RYR3: variants seen among roughly 807,000 people sequenced by gnomAD.
RYR3 encodes the protein brain ryanodine receptor-calcium release channel.
RYR3 carries 207 observed loss-of-function variants against 584.3 expected under a neutral mutation model. The ratio of observed to expected loss-of-function variants is 0.35; its 90% CI spans 0.32 to 0.40. RYR3 has a LOEUF of 0.40. RYR3 is among the 10% of genes least tolerant of loss of function. The pLI, the probability that RYR3 is intolerant of heterozygous loss-of-function variation, is 1.00. For missense variants in RYR3, 5,616 were observed against 6,089.2 expected (o/e 0.92, Z 2.59); for synonymous variants, 2,416 against 2,248.5 (o/e 1.07, Z -2.11).
At chr15:33,589,079 T>A (rs2058998657) in intron 16 of RYR3, among the ~76,000 whole-genome samples, 1 of 152,204 alleles carries the variant, frequency 6.6e-6, no homozygotes, top group Non-Finnish European at 1.5e-5. Context: ...CCTACCAACG[T>A]GTATAAGCAT....
intron 76 of RYR3, 131 bp from the exon 77 acceptor site, chr15:33,819,625 G>C: frequency 2.2e-6 from 1 of 457,068 alleles, no homozygotes; most frequent in Admixed American, 4.3e-5. Context: ...AGTGAGCCGA[G>C]ATCGCGTCAT....
intron 10 of RYR3, among the ~76,000 whole-genome samples, chr15:33,553,693 C>A (rs2056856757): frequency 6.6e-6 from 1 of 152,192 alleles, no homozygotes; most frequent in Admixed American, 6.5e-5. Flanking sequence ...TGTAGTATTA[C>A]TTCCAAAATA....
At chr15:33,641,576 CG>C (rs1170895567) in intron 27 of RYR3, among the ~76,000 whole-genome samples, 3 of 152,152 alleles carry the variant, frequency 2.0e-5, no homozygotes, top group Non-Finnish European at 4.4e-5. Context: ...ATCTAGTTAT[CG>C]AATCGTTTTC....
At chr15:33,857,747 C>G in intron 98 of RYR3, 33 bp from the exon 99 acceptor site, 5 of 1,613,160 alleles carry the variant, frequency 3.1e-6, no homozygotes, top group Non-Finnish European at 3.4e-6. Context: ...GAAGACCCCA[C>G]TCCTTTTCCT....
rs758717257 is a variant in RYR3 at position 33,838,547 on chromosome 15, G to C, written c.12567G>C (p.Trp4189Cys). ...TGAAGGTGCTCTTCTCCTTTTTCTG[G>C]ATGCTGTTCGTGGGGCTATTCCAGT... is the stretch of plus-strand genomic sequence containing the variant. ...ELVKVLFSFF[W>C]MLFVGLFQLL... Residue 4189 changes from tryptophan (W) to cysteine (C), a missense_variant, in exon 89 of 104, where the codon TGG (tryptophan) becomes TGC (cysteine). Physicochemically the swap from Trp to Cys is radical, Grantham distance 215. Around this residue, in one of 9 missense-constraint regions of RYR3, gnomAD observed 918 missense variants for 887.4 expected, o/e 1.03. Coordinates refer to ENST00000634891, the MANE Select transcript of RYR3 (RefSeq NM_001036.6). The C allele has an allele frequency of 6.2e-7, 1 of 1,613,920 alleles. No individual in the cohort carries two copies. Among genetic ancestry groups the C allele is most frequent in the South Asian group, 1.1e-5 (1 of 91,064 alleles).
intron 2 of RYR3, among the ~76,000 whole-genome samples, chr15:33,499,993 A>G (rs570158756): frequency 2.0e-5 from 3 of 152,346 alleles, no homozygotes; most frequent in East Asian, 1.9e-4. Context: ...AGTCATTGCA[A>G]TCTGTCTACA....
intron 87 of RYR3, among the ~76,000 whole-genome samples, chr15:33,836,346 T>C (rs1321845055): frequency 6.6e-6 from 1 of 152,060 alleles, no homozygotes; most frequent in Non-Finnish European, 1.5e-5. Context: ...TCTTCCTGCA[T>C]TGCTGAAATT....
intron 34 of RYR3, among the ~76,000 whole-genome samples, chr15:33,661,207 C>T (rs1275795451): frequency 2.6e-5 from 4 of 151,938 alleles, no homozygotes; most frequent in African/African-American, 4.8e-5. Context: ...CATGAGGAGT[C>T]GTGAGACTAA....
intron 32 of RYR3, 82 bp downstream of exon 32, chr15:33,652,965 A>C (rs1490258470): frequency 7.2e-7 from 1 of 1,398,106 alleles, no homozygotes; most frequent in Non-Finnish European, 9.6e-7. Flanking sequence ...CGTACTCAGC[A>C]TTCCTGCCAC....
chr15:33,633,808 C>A (rs902057329), intron 24 of RYR3, among the ~76,000 whole-genome samples: 6 of 152,242 alleles, frequency 3.9e-5, no homozygotes, highest in African/African-American at 1.2e-4. Context: ...GACATTACTA[C>A]AAATGTGTGT....
chr15:33,490,345 T>C (rs1048604961), intron 2 of RYR3, among the ~76,000 whole-genome samples: 3 of 152,200 alleles, frequency 2.0e-5, no homozygotes, highest in African/African-American at 7.2e-5. Flanking sequence ...CTTGACCTAA[T>C]GCTCTGTTTC....
intron 3 of RYR3, among the ~76,000 whole-genome samples, chr15:33,525,140 G>T (rs955171295): frequency 6.6e-6 from 1 of 152,022 alleles, no homozygotes; most frequent in Non-Finnish European, 1.5e-5. Context: ...GTTTCCTGTG[G>T]ATCTTACTGA....
chr15:33,484,002 C>A lies in RYR3; in HGVS notation c.171+10464C>A, dbSNP rs189518786. Among the ~76,000 whole-genome samples the A allele has an allele frequency of 2.4e-3, 358 of 152,146 alleles. 5 individuals are homozygous for A. The highest frequency in any genetic ancestry group is 2.1e-3 in the East Asian group (11 of 5,172). ...TTAAAAAGTAATATTCCTTTCAGTT[C>A]TAGATTGCTCCCTGGTGCCTTCAAA... On this transcript the variant is annotated intron_variant, in intron 2 of 103. Coordinates refer to ENST00000634891, the MANE Select transcript of RYR3 (RefSeq NM_001036.6).
At chr15:33,493,028 C>T (rs140179468) in intron 2 of RYR3, among the ~76,000 whole-genome samples, 32 of 152,238 alleles carry the variant, frequency 2.1e-4, no homozygotes, top group African/African-American at 6.7e-4. Context: ...GAAAGGAATA[C>T]ATGGGAGAGG....
intron 67 of RYR3, among the ~76,000 whole-genome samples, chr15:33,792,260 T>C (rs1273810497): frequency 6.6e-6 from 1 of 152,174 alleles, no homozygotes; most frequent in African/African-American, 2.4e-5. Context: ...GTCTCTGTTC[T>C]GATATCTGAG....
At chr15:33,646,182 G>A (rs532296078) in intron 28 of RYR3, 169 bp from the exon 29 acceptor site, 21 of 553,962 alleles carry the variant, frequency 3.8e-5, no homozygotes, top group Non-Finnish European at 5.0e-5. Context: ...TTCTTCCTAC[G>A]GGACAAGGCC....
intron 17 of RYR3, 86 bp downstream of exon 17, chr15:33,601,638 CA>C (rs1421485778): frequency 7.0e-7 from 1 of 1,436,438 alleles, no homozygotes; most frequent in Non-Finnish European, 9.7e-7. Flanking sequence ...ATCTGAACTC[CA>C]AAGTTGCCCA....
intron 1 of RYR3, among the ~76,000 whole-genome samples, chr15:33,427,796 G>T (rs2044768956): frequency 6.6e-6 from 1 of 152,208 alleles, no homozygotes; most frequent in South Asian, 2.1e-4. Flanking sequence ...GAGTCTATTA[G>T]TCAGACACTA....
In RYR3 at chr15:33,826,749, A is replaced by G; in HGVS notation, c.11242A>G (p.Ser3748Gly). 6.2e-7 allele frequency: 1 copy of G among 1,608,176 alleles called. No homozygotes were observed. Among genetic ancestry groups the G allele is most frequent in the Non-Finnish European group, 8.5e-7 (1 of 1,177,332 alleles). ...FLQLLCEGHNSDFQNFLRTQM... is the reference protein window; with the variant it reads ...FLQLLCEGHNGDFQNFLRTQM... Reference sequence around the variant, plus strand: ...ACAGTTACTTTGTGAGGGACATAACAGTGGTGAGTGGAACAGATTGATCTG... The same window carrying G: ...ACAGTTACTTTGTGAGGGACATAACGGTGGTGAGTGGAACAGATTGATCTG... Residue 3748 changes from serine (S) to glycine (G), a missense_variant, in exon 84 of 104, where the codon AGT (serine) becomes GGT (glycine). Physicochemically the swap from Ser to Gly is moderately conservative, Grantham distance 56. Transcript: ENST00000634891.
Sources: allele counts gnomAD v4.1 joint callset (sites outside exome capture counted in the v4.1 genomes callset), GRCh38; gene constraint gnomAD v4.1.1; regional missense constraint gnomAD v4.1.1; transcripts MANE v1.5; gene names NCBI Gene and HGNC (gene_info 2026-07-23, HGNC 2026-07-21).